Variants in SZRD1 observed in about 807,000 individuals in gnomAD.
SZRD1 encodes SUZ RNA binding domain containing 1, also known as SUZ RNA-binding domain-containing.
SZRD1 carries 7 observed loss-of-function variants against 17.6 expected under a neutral mutation model. The ratio of observed to expected loss-of-function variants is 0.40; its 90% CI spans 0.23 to 0.75. The LOEUF (loss-of-function observed/expected upper bound fraction) is 0.75, where lower values mean the gene tolerates loss of function less well. Among genes scored for constraint, SZRD1 ranks in the 30% least tolerant of loss-of-function variants. The probability of loss-of-function intolerance (pLI) is 0.38; values close to 1 mark genes in which losing one functional copy is unlikely to be tolerated. For synonymous variants in SZRD1, 77 were observed against 77.9 expected (o/e 0.99, Z 0.06); for missense variants, 178 against 201.8 (o/e 0.88, Z 0.71).
intron 1 of SZRD1, 26 bp downstream of exon 1, chr1:16,367,334 C>T (rs1467136010): frequency 3.9e-6 from 6 of 1,545,700 alleles, no homozygotes; most frequent in East Asian, 4.9e-5. Context: ...CGTCCCATGG[C>T]AGGGCCGGGC....
rs1288011577 is a variant in SZRD1 at position 16,374,014 on chromosome 1, C to G, written c.51+6706C>G. On this transcript the variant is annotated intron_variant, in intron 1 of 3. Transcript: ENST00000401088. ...CCGCTTCACTCTGGGGTCCCCAATG[C>G]TTTGTGTAGCTGCTGTCATTTTGGA... Among the ~76,000 whole-genome samples, 4 of 152,146 alleles carry G rather than the reference C, an allele frequency of 2.6e-5. No homozygotes were observed. The East Asian group carries it at 5.8e-4, about 22-fold the overall frequency.
intron 1 of SZRD1, among the ~76,000 whole-genome samples, chr1:16,371,812 G>T (rs2082920226): frequency 6.6e-6 from 1 of 151,932 alleles, no homozygotes; most frequent in African/African-American, 2.4e-5. Flanking sequence ...GGAGTGCAGT[G>T]GTCGGAATAC....
In SZRD1 at chr1:16,395,374, C is replaced by A; in HGVS notation, c.*234C>A. On this transcript the variant is annotated 3_prime_UTR_variant, in exon 4 of 4. Transcript: ENST00000401088. The stretch of plus-strand genomic sequence containing the variant: ...CACATCGACAAGGGCTGTCCCAAGT[C>A]AATGGAAAGGGAAAGGGTGGGGGTT... 6 of 531,286 alleles carry A rather than the reference C, an allele frequency of 1.1e-5. No individual in the cohort carries two copies. The highest frequency in any genetic ancestry group is 3.4e-5 in the East Asian group (1 of 29,520). 32.9% of individuals were successfully genotyped at this position (531,286 alleles called of 1,614,324 possible).
intron 1 of SZRD1, among the ~76,000 whole-genome samples, chr1:16,374,811 A>G: frequency 6.6e-6 from 1 of 152,188 alleles, no homozygotes; most frequent in Middle Eastern, 3.2e-3. Context: ...TCTGTGGCCA[A>G]AGTATAAAAT....
chr1:16,391,139 C>A lies in SZRD1; in HGVS notation c.52-236C>A, dbSNP rs1292080636. Among the ~76,000 whole-genome samples, 1 of 152,018 alleles carries A rather than the reference C, an allele frequency of 6.6e-6. No individual in the cohort carries two copies. The highest frequency in any genetic ancestry group is 1.5e-5 in the Non-Finnish European group (1 of 68,008). On this transcript the variant is annotated intron_variant, in intron 1 of 3. Transcript: ENST00000401088. The surrounding 1 kb of genome is among the most constrained non-coding windows in gnomAD (Gnocchi z 4.3). ...ACTGGTTGGAGGCTATGCAAAGAAC[C>A]CAGCTGAACAATGAGGTTTAGAACT...
intron 1 of SZRD1, among the ~76,000 whole-genome samples, chr1:16,378,055 C>G (rs2083032879): frequency 6.6e-6 from 1 of 152,014 alleles, no homozygotes; most frequent in South Asian, 2.1e-4. Flanking sequence ...TAGATTCGAC[C>G]CCATTTTATT....
intron 1 of SZRD1, among the ~76,000 whole-genome samples, chr1:16,374,458 G>A (rs566247275): frequency 3.9e-5 from 6 of 152,288 alleles, no homozygotes; most frequent in South Asian, 2.1e-4. Flanking sequence ...TGTTCCCAGC[G>A]TGCTCTGGGT....
Position 16,374,985 on chromosome 1 carries a change from C to G in SZRD1, c.51+7677C>G, listed in dbSNP as rs188258666. ...CTCTGCCTCCCGGGTTCGAGCGATT[C>G]TCCTGCCTCAGCCTCCCAAGTAGCT... On this transcript the variant is annotated intron_variant, in intron 1 of 3. Transcript: ENST00000401088. 6.0e-4 allele frequency among the ~76,000 whole-genome samples: 92 copies of G among 152,066 alleles called. 1 individual carries two copies. The highest frequency in any genetic ancestry group is 5.2e-3 in the Admixed American group (79 of 15,254).
intron 1 of SZRD1, among the ~76,000 whole-genome samples, chr1:16,375,654 A>G (rs1172596300): frequency 6.6e-6 from 1 of 152,170 alleles, no homozygotes; most frequent in Non-Finnish European, 1.5e-5. Context: ...ACATTTCAAA[A>G]TGCCCATCAC....
At chr1:16,387,102 C>G (rs1213567523) in intron 1 of SZRD1, 1 of 338,406 alleles carries the variant, frequency 3.0e-6, no homozygotes, top group East Asian at 8.0e-5. Context: ...TGTTGACAGC[C>G]ATAATACATT....
At chr1:16,371,389 C>T (rs913992869) in intron 1 of SZRD1, among the ~76,000 whole-genome samples, 1 of 150,414 alleles carries the variant, frequency 6.6e-6, no homozygotes, top group Non-Finnish European at 1.5e-5. Context: ...AATTTCTCCC[C>T]TCCCCTCCCC....
chr1:16,395,373 T>A lies in SZRD1; in HGVS notation c.*233T>A. ...GCACATCGACAAGGGCTGTCCCAAGTCAATGGAAAGGGAAAGGGTGGGGGT... is the reference window on the plus strand; with the variant it reads ...GCACATCGACAAGGGCTGTCCCAAGACAATGGAAAGGGAAAGGGTGGGGGT... On this transcript the variant is annotated 3_prime_UTR_variant, in exon 4 of 4. Transcript: ENST00000401088. 1 of 541,778 alleles carries A rather than the reference T, an allele frequency of 1.8e-6. No individual in the cohort carries two copies. 33.6% of individuals were successfully genotyped at this position (541,778 alleles called of 1,614,324 possible).
intron 1 of SZRD1, among the ~76,000 whole-genome samples, chr1:16,370,961 A>G (rs1229817382): frequency 6.6e-6 from 1 of 152,232 alleles, no homozygotes; most frequent in Non-Finnish European, 1.5e-5. Flanking sequence ...AATGGACTGC[A>G]GGCTATACAT....
chr1:16,397,736 G>A lies in SZRD1; in HGVS notation c.*2596G>A. On this transcript the variant is annotated 3_prime_UTR_variant, in exon 4 of 4. Coordinates refer to ENST00000401088, the MANE Select transcript of SZRD1 (RefSeq NM_001114600.3). This position sits in a 1 kb window ranked among gnomAD's most constrained non-coding sequence, Gnocchi z 5.4. ...CTTTCTCAGCCCACTCAATCAGGGT[G>A]CTCCCCACCTGCAGGCAGGAGGCAA... The A allele has an allele frequency of 6.5e-6, 1 of 153,400 alleles. No individual in the cohort carries two copies. The highest frequency in any genetic ancestry group is 1.5e-5 in the Non-Finnish European group (1 of 68,948). The allele number at this position is 153,400 out of a possible 1,614,324, so 9.5% of individuals were successfully genotyped here.
In SZRD1 at chr1:16,393,193, G is replaced by A. The variant is rs2085245430; in HGVS notation, c.102-35G>A. The A allele has an allele frequency of 1.2e-6, 2 of 1,607,762 alleles. No individual in the cohort carries two copies. Among genetic ancestry groups the A allele is most frequent in the Non-Finnish European group, 8.5e-7 (1 of 1,175,548 alleles). On this transcript the variant is annotated intron_variant, in intron 2 of 3. Transcript: ENST00000401088. This position sits in a 1 kb window ranked among gnomAD's most constrained non-coding sequence, Gnocchi z 5.6. ...ATGGACAGGGCCTCCTTAGTCAGGA[G>A]CATGATTTGTGAAGCTGTGTTTGCT...
Position 16,395,838 on chromosome 1 carries a change from G to A in SZRD1, c.*698G>A, listed in dbSNP as rs74055656. Reference sequence around the variant, plus strand: ...AGAAAAGGGGCAGGGCTCTGCAGCCGCCAGGACAGACGAGCACCCCATGCC... The same window carrying A: ...AGAAAAGGGGCAGGGCTCTGCAGCCACCAGGACAGACGAGCACCCCATGCC... On this transcript the variant is annotated 3_prime_UTR_variant, in exon 4 of 4. Transcript: ENST00000401088. 4,105 of 154,012 alleles carry A rather than the reference G, an allele frequency of 0.027. 184 individuals are homozygous for A. Among genetic ancestry groups the A allele is most frequent in the African/African-American group, 0.091 (3,795 of 41,516 alleles). 9.5% of individuals were successfully genotyped at this position (154,012 alleles called of 1,614,324 possible). A position where few individuals can be genotyped will look rare whatever the true frequency, so the allele number is the denominator to read the frequency against.
At chr1:16,388,764 C>T (rs1312189447) in intron 1 of SZRD1, among the ~76,000 whole-genome samples, 1 of 144,568 alleles carries the variant, frequency 6.9e-6, no homozygotes, top group Non-Finnish European at 1.5e-5. Context: ...CCACTCACTG[C>T]AGCCTCCCTA....
intron 1 of SZRD1, among the ~76,000 whole-genome samples, chr1:16,371,866 C>T (rs868252281): frequency 5.9e-5 from 9 of 152,094 alleles, no homozygotes; most frequent in Admixed American, 1.3e-4. Flanking sequence ...GGCCCACAGG[C>T]GTGTACCACT....
intron 1 of SZRD1, among the ~76,000 whole-genome samples, chr1:16,382,912 C>G (rs1160874150): frequency 1.3e-5 from 2 of 151,694 alleles, no homozygotes; most frequent in Non-Finnish European, 2.9e-5. Flanking sequence ...CTCCCCCCTG[C>G]TAGAGTACAA....
Sources: gnomAD v4.1 joint callset for allele counts (sites outside exome capture counted in the v4.1 genomes callset) on GRCh38, gnomAD v4.1.1 for gene constraint, Gnocchi (gnomAD v3.1) non-coding constraint, MANE v1.5 for transcripts, NCBI Gene and HGNC (gene_info 2026-07-23, HGNC 2026-07-21) for gene names.